The following ST8SIA6 variants were observed in gnomAD, a reference collection of about 807,000 sequenced individuals.
ST8SIA6 encodes the protein alpha-2,8-sialyltransferase 8F.
ST8SIA6 carries 39 observed loss-of-function variants against 33.6 expected under a neutral mutation model. The ratio of observed to expected loss-of-function variants is 1.16; its 90% CI spans 0.90 to 1.52. The LOEUF is 1.52. Among genes scored for constraint, ST8SIA6 ranks in the 40% most tolerant of loss-of-function variants. ST8SIA6 has a pLI of 0.00. For missense variants in ST8SIA6, 441 were observed against 443.8 expected, an observed-to-expected ratio of 0.99 and a Z score of 0.06; for synonymous variants, 172 against 167.2, an observed-to-expected ratio of 1.03 and a Z score of -0.22.
At chr10:17,422,015 TTTA>T (rs1180477004) in intron 2 of ST8SIA6, among the ~76,000 whole-genome samples, 1 of 151,728 alleles carries the variant, frequency 6.6e-6, no homozygotes, top group Admixed American at 6.6e-5. Context: ...TACTATAGAT[TTTA>T]TTTATTATAA....
intron 2 of ST8SIA6, among the ~76,000 whole-genome samples, chr10:17,393,314 G>A (rs1850686849): frequency 6.6e-6 from 1 of 152,206 alleles, no homozygotes; most frequent in Non-Finnish European, 1.5e-5. Flanking sequence ...AATTATGGGA[G>A]CTAATCCCTC....
chr10:17,345,613 C>T (rs1464566498), intron 4 of ST8SIA6, among the ~76,000 whole-genome samples: 1 of 152,072 alleles, frequency 6.6e-6, no homozygotes, highest in Non-Finnish European at 1.5e-5. Flanking sequence ...GAAAGAAATC[C>T]TGTGTGGCTT....
chr10:17,338,101 C>G (rs911119479), intron 4 of ST8SIA6, among the ~76,000 whole-genome samples: 6 of 146,722 alleles, frequency 4.1e-5, no homozygotes, highest in African/African-American at 1.5e-4. Flanking sequence ...ATGGCGCGAT[C>G]TCAGCTCACC....
chr10:17,341,407 A>C (rs1277310017), intron 4 of ST8SIA6, among the ~76,000 whole-genome samples: 2 of 152,168 alleles, frequency 1.3e-5, no homozygotes, highest in Non-Finnish European at 2.9e-5. Flanking sequence ...TATTTTAAGG[A>C]CCATAAGGTA....
chr10:17,403,907 CA>C (rs940605391), intron 2 of ST8SIA6, among the ~76,000 whole-genome samples: 24 of 151,014 alleles, frequency 1.6e-4, no homozygotes, highest in African/African-American at 5.6e-4. Context: ...ACTGAAATTA[CA>C]AAAAAAATTA....
At chr10:17,374,120 A>AAGT (rs1849819626) in intron 3 of ST8SIA6, among the ~76,000 whole-genome samples, 2 of 138,652 alleles carry the variant, frequency 1.4e-5, no homozygotes, top group Admixed American at 1.5e-4. Context: ...CACACGGGAA[A>AAGT]AGTAGTCTAT....
At chr10:17,354,577 C>G (rs981172795) in intron 4 of ST8SIA6, among the ~76,000 whole-genome samples, 12 of 152,160 alleles carry the variant, frequency 7.9e-5, no homozygotes, top group African/African-American at 2.9e-4. Context: ...CTCTCTTTAA[C>G]TGAGTTCAAC....
chr10:17,437,460 C>T (rs1281663812), intron 2 of ST8SIA6, among the ~76,000 whole-genome samples: 1 of 152,200 alleles, frequency 6.6e-6, no homozygotes, highest in African/African-American at 2.4e-5. Flanking sequence ...GTGTAAGCCA[C>T]CATGCCTGGA....
intron 4 of ST8SIA6, among the ~76,000 whole-genome samples, chr10:17,357,677 C>T (rs2131615371): frequency 6.6e-6 from 1 of 152,280 alleles, no homozygotes; most frequent in Middle Eastern, 3.4e-3. Context: ...GGAGGACCTG[C>T]TCCAGTGTCC....
intron 2 of ST8SIA6, among the ~76,000 whole-genome samples, chr10:17,436,775 T>C (rs1268366073): frequency 6.6e-6 from 1 of 152,004 alleles, no homozygotes; most frequent in African/African-American, 2.4e-5. Flanking sequence ...TCTATCATTG[T>C]TGGACATTTG....
intron 3 of ST8SIA6, among the ~76,000 whole-genome samples, chr10:17,375,309 C>A (rs1329095426): frequency 6.6e-6 from 1 of 152,202 alleles, no homozygotes; most frequent in Non-Finnish European, 1.5e-5. Flanking sequence ...AAACTTAGGA[C>A]TACTTGCATA....
rs1421837408 is a variant in ST8SIA6, at chr10:17,453,830, A to G, written c.102-173T>C. ...TTAGGGCGGGAAGGAAGAGACAGCAAGGACCAGAATGGGGAGCATGAGATC... is the reference window on the plus strand; with the variant it reads ...TTAGGGCGGGAAGGAAGAGACAGCAGGGACCAGAATGGGGAGCATGAGATC... On this transcript the variant is annotated intron_variant, in intron 1 of 7. Coordinates refer to ENST00000377602, the MANE Select transcript of ST8SIA6 (RefSeq NM_001004470.3). Among the ~76,000 whole-genome samples, 3 of 152,190 alleles carry G rather than the reference A, an allele frequency of 2.0e-5. No homozygotes were observed. The East Asian group carries it at 5.8e-4, about 29-fold the overall frequency.
chr10:17,421,891 C>T lies in ST8SIA6; in HGVS notation c.201-31271G>A, dbSNP rs191413974. On this transcript the variant is annotated intron_variant, in intron 2 of 7. Coordinates refer to ENST00000377602, the MANE Select transcript of ST8SIA6 (RefSeq NM_001004470.3). The stretch of plus-strand genomic sequence containing the variant: ...CTTCAATTTTATTTCCTTTTGATGA[C>T]GATATTTTCCATGGGTACGCAGCCA... Among the ~76,000 whole-genome samples the T allele has an allele frequency of 3.7e-3, 565 of 152,022 alleles. 4 individuals are homozygous for T. Among genetic ancestry groups the T allele is most frequent in the African/African-American group, 0.012 (493 of 41,450 alleles).
Position 17,425,673 on chromosome 10 carries a change from GAAA to G in ST8SIA6, c.200+27883_200+27885del, listed in dbSNP as rs1341353765. Among the ~76,000 whole-genome samples, 5 of 148,802 alleles carry G rather than the reference GAAA, an allele frequency of 3.4e-5. No homozygotes were observed. In the East Asian group the frequency reaches 9.9e-4, roughly 29 times the overall value. ...GGGAGGGAGGGAGGAAGGGAAGAAA[GAAA>G]AAGAAGGAAGGAAGGAAAGGTAGGA... is the stretch of plus-strand genomic sequence containing the variant. On this transcript the variant is annotated intron_variant, in intron 2 of 7. Coordinates refer to ENST00000377602, the MANE Select transcript of ST8SIA6 (RefSeq NM_001004470.3).
chr10:17,402,274 AAAC>A (rs762507509), intron 2 of ST8SIA6, among the ~76,000 whole-genome samples: 9 of 152,202 alleles, frequency 5.9e-5, no homozygotes, highest in Non-Finnish European at 1.2e-4. Flanking sequence ...AAAAGTCAAG[AAAC>A]AACAGGTGCT....
At chr10:17,445,564 A>T (rs931983838) in intron 2 of ST8SIA6, among the ~76,000 whole-genome samples, 3 of 152,204 alleles carry the variant, frequency 2.0e-5, no homozygotes, top group African/African-American at 7.2e-5. Flanking sequence ...GCCTGCCCCA[A>T]CTGGAAAATC....
intron 2 of ST8SIA6, chr10:17,409,612 C>G (rs1270205360): frequency 6.6e-6 from 1 of 152,222 alleles, no homozygotes; most frequent in African/African-American, 2.4e-5. Flanking sequence ...CTGCAGTAAG[C>G]TGTGGTTGTA....
intron 2 of ST8SIA6, among the ~76,000 whole-genome samples, chr10:17,414,915 A>T (rs1851556772): frequency 6.6e-6 from 1 of 152,090 alleles, no homozygotes; most frequent in African/African-American, 2.4e-5. Context: ...ACAGAAAAAA[A>T]TGTCCCTGCT....
chr10:17,345,273 A>G (rs1428556707), intron 4 of ST8SIA6, among the ~76,000 whole-genome samples: 1 of 152,186 alleles, frequency 6.6e-6, no homozygotes, highest in Non-Finnish European at 1.5e-5. Context: ...GAGTGGGACA[A>G]TCCACTCCCT....
Sources: gnomAD v4.1 joint callset for allele counts (sites outside exome capture counted in the v4.1 genomes callset) on GRCh38, gnomAD v4.1.1 for gene constraint, MANE v1.5 for transcripts, NCBI Gene and HGNC (gene_info 2026-07-23, HGNC 2026-07-21) for gene names.